CNTNAP5: variants seen among roughly 807,000 people sequenced by gnomAD.
The protein encoded by CNTNAP5 is contactin associated protein family member 5.
A neutral mutation model predicts 150.2 loss-of-function variants in CNTNAP5; 72 were observed. The observed-to-expected ratio is 0.48, with a 90% CI of 0.40 to 0.58. The LOEUF is 0.58. Ranked by LOEUF, CNTNAP5 falls within the 20% of genes least tolerant of loss-of-function variation. CNTNAP5 has a pLI of 0.00. For synonymous variants in CNTNAP5, 672 were observed against 619.8 expected, an observed-to-expected ratio of 1.08 and a Z score of -1.25; for missense variants, 1,636 against 1,626.2, an observed-to-expected ratio of 1.01 and a Z score of -0.10.
intron 3 of CNTNAP5, among the ~76,000 whole-genome samples, chr2:124,285,725 C>T (rs1450903740): frequency 6.6e-6 from 1 of 151,946 alleles, no homozygotes; most frequent in Non-Finnish European, 1.5e-5. Context: ...ATCACTTGAG[C>T]CCAGGAGGTA....
chr2:124,085,897 G>A (rs975396811), intron 1 of CNTNAP5, among the ~76,000 whole-genome samples: 2 of 152,078 alleles, frequency 1.3e-5, no homozygotes, highest in Admixed American at 6.5e-5. Context: ...ACTTGTTGAG[G>A]TTTGTTTAGT....
At chr2:124,613,069 A>C (rs1677419522) in intron 12 of CNTNAP5, among the ~76,000 whole-genome samples, 1 of 152,122 alleles carries the variant, frequency 6.6e-6, no homozygotes, top group Admixed American at 6.5e-5. Context: ...TAAATAAACA[A>C]ATAAAAATAA....
chr2:124,665,377 C>T (rs528230859), intron 13 of CNTNAP5, among the ~76,000 whole-genome samples: 49 of 152,278 alleles, frequency 3.2e-4, no homozygotes, highest in African/African-American at 1.0e-3. Context: ...ATTTGGTTAA[C>T]GTCAAAATTA....
chr2:124,391,812 C>T (rs1470539955), intron 3 of CNTNAP5, among the ~76,000 whole-genome samples: 1 of 152,052 alleles, frequency 6.6e-6, no homozygotes, highest in Admixed American at 6.6e-5. Context: ...AAAAATTAGC[C>T]GGGCGCGGTG....
In CNTNAP5 at chr2:124,625,679, G is replaced by A. The variant is rs530354122; in HGVS notation, c.1876+15759G>A. ...GGGCTTATCCTGACTCCTTCCGGAT[G>A]GGTCTTTTCATCTTTTACTGCAGAT... is the stretch of plus-strand genomic sequence containing the variant. On this transcript the variant is annotated intron_variant, in intron 12 of 23. Coordinates refer to ENST00000682447, the MANE Select transcript of CNTNAP5 (RefSeq NM_001367498.1). Among the ~76,000 whole-genome samples the A allele has an allele frequency of 1.9e-4, 29 of 152,260 alleles. No homozygotes were observed. The South Asian group carries it at 5.8e-3, about 31-fold the overall frequency.
At chr2:124,231,799 A>C (rs1034407177) in intron 2 of CNTNAP5, among the ~76,000 whole-genome samples, 14 of 152,116 alleles carry the variant, frequency 9.2e-5, no homozygotes. Context: ...GAGCCTTGGG[A>C]CCCTGTCTCA....
rs183285625 is a variant in CNTNAP5 at position 124,316,234 on chromosome 2, T to A, written c.381+73841T>A. ...ACCACACTTTCCTGGAAAGGGTTAG[T>A]AGCCCTGGAGTGGGTTAGTAACCTG... On this transcript the variant is annotated intron_variant, in intron 3 of 23. Transcript: ENST00000682447. Among the ~76,000 whole-genome samples, 115 of 152,244 alleles carry A rather than the reference T, an allele frequency of 7.6e-4. 1 individual carries two copies. The highest frequency in any genetic ancestry group is 1.5e-3 in the Non-Finnish European group (102 of 68,022).
At chr2:124,123,431 G>A (rs927800252) in intron 1 of CNTNAP5, among the ~76,000 whole-genome samples, 11 of 152,284 alleles carry the variant, frequency 7.2e-5, no homozygotes, top group Middle Eastern at 3.4e-3. Context: ...GGAGTCCACC[G>A]CAGCTCAAGG....
chr2:124,087,610 T>C (rs988262974), intron 1 of CNTNAP5, among the ~76,000 whole-genome samples: 4 of 151,804 alleles, frequency 2.6e-5, no homozygotes, highest in Non-Finnish European at 4.4e-5. Flanking sequence ...TAGTCCTAGC[T>C]ACTAGGGAGG....
intron 1 of CNTNAP5, among the ~76,000 whole-genome samples, chr2:124,063,345 T>A (rs1319437793): frequency 6.6e-6 from 1 of 152,140 alleles, no homozygotes; most frequent in Non-Finnish European, 1.5e-5. Flanking sequence ...CGTGCCACTT[T>A]CCTCTTTCAT....
chr2:124,530,269 C>G (rs1201277501), intron 10 of CNTNAP5, among the ~76,000 whole-genome samples: 1 of 152,170 alleles, frequency 6.6e-6, no homozygotes, highest in Non-Finnish European at 1.5e-5. Context: ...GAGATGGCAC[C>G]TCTACACTCC....
intron 17 of CNTNAP5, among the ~76,000 whole-genome samples, chr2:124,787,195 G>A (rs115543383): frequency 0.025 from 3,872 of 152,248 alleles, 67 homozygotes; most frequent in Non-Finnish European, 0.04. Context: ...CAAGATATAT[G>A]AATAGTTATT....
chr2:124,090,962 G>A (rs2104685948), intron 1 of CNTNAP5, among the ~76,000 whole-genome samples: 1 of 152,282 alleles, frequency 6.6e-6, no homozygotes, highest in Admixed American at 6.5e-5. Flanking sequence ...TAATAAGTGT[G>A]TTTCAAAAGT....
chr2:124,751,617 C>A (rs942092359), intron 14 of CNTNAP5, among the ~76,000 whole-genome samples: 2 of 152,224 alleles, frequency 1.3e-5, no homozygotes, highest in Admixed American at 1.3e-4. Context: ...ACTTTCCACA[C>A]GTTTCAAATT....
At chr2:124,358,434 G>A (rs528780374) in intron 3 of CNTNAP5, among the ~76,000 whole-genome samples, 5 of 152,322 alleles carry the variant, frequency 3.3e-5, no homozygotes, top group Admixed American at 2.6e-4. Flanking sequence ...GATGTTGGCT[G>A]TGGGTGTGTC....
chr2:124,205,421 C>CTT (rs1244599337), intron 1 of CNTNAP5, among the ~76,000 whole-genome samples: 2 of 142,314 alleles, frequency 1.4e-5, no homozygotes, highest in Non-Finnish European at 1.5e-5. Context: ...CTTTTCTTTT[C>CTT]TTTTTTTTTT....
Position 124,516,392 on chromosome 2 carries a change from T to C in CNTNAP5, c.1328-7911T>C, listed in dbSNP as rs991639287. ...GAGAGGACATAGAAAGGCCATTGAA[T>C]TGAGTTTTCTGGGGAAGATAAAGCC... is the stretch of plus-strand genomic sequence containing the variant. On this transcript the variant is annotated intron_variant, in intron 8 of 23. Coordinates refer to ENST00000682447, the MANE Select transcript of CNTNAP5 (RefSeq NM_001367498.1). Among the ~76,000 whole-genome samples the C allele has an allele frequency of 2.0e-5, 3 of 152,184 alleles. No homozygotes were observed. In the East Asian group the frequency reaches 5.8e-4, roughly 29 times the overall value.
At chr2:124,492,964 T>C (rs942371372) in intron 7 of CNTNAP5, among the ~76,000 whole-genome samples, 5 of 152,152 alleles carry the variant, frequency 3.3e-5, no homozygotes, top group Non-Finnish European at 7.3e-5. Context: ...AATTTTACTT[T>C]TTCTTGCTTA....
chr2:124,635,702 G>C (rs1374780493), intron 12 of CNTNAP5, among the ~76,000 whole-genome samples: 1 of 152,168 alleles, frequency 6.6e-6, no homozygotes, highest in East Asian at 1.9e-4. Flanking sequence ...TCCAAGGAGA[G>C]ATGATGAATC....
Sources: gnomAD v4.1 joint callset for allele counts (sites outside exome capture counted in the v4.1 genomes callset) on GRCh38, gnomAD v4.1.1 for gene constraint, MANE v1.5 for transcripts, NCBI Gene and HGNC (gene_info 2026-07-23, HGNC 2026-07-21) for gene names.